The following OSBPL2 variants were observed in gnomAD, a reference collection of about 807,000 sequenced individuals.
OSBPL2 encodes the protein oxysterol-binding protein-related protein 2.
In OSBPL2, 18 loss-of-function variants were observed where a neutral mutation model predicts 58.4. The ratio of observed to expected loss-of-function variants is 0.31; its 90% CI spans 0.21 to 0.46. The LOEUF (loss-of-function observed/expected upper bound fraction) is 0.46, where lower values mean the gene tolerates loss of function less well. Ranked by LOEUF, OSBPL2 falls within the 20% of genes least tolerant of loss-of-function variation. OSBPL2 has a pLI of 1.00. For synonymous variants in OSBPL2, 221 were observed against 234.1 expected (o/e 0.94, Z 0.51); for missense variants, 461 against 616.5 (o/e 0.75, Z 2.67).
chr20:62,253,669 G>T (rs1052399208), intron 1 of OSBPL2, among the ~76,000 whole-genome samples: 1 of 150,662 alleles, frequency 6.6e-6, no homozygotes, highest in Non-Finnish European at 1.5e-5. Flanking sequence ...AGGTGGAAGG[G>T]CAAGAGAGGA....
chr20:62,239,440 G>A (rs926709284), intron 1 of OSBPL2, among the ~76,000 whole-genome samples: 1 of 152,172 alleles, frequency 6.6e-6, no homozygotes, highest in Non-Finnish European at 1.5e-5. Flanking sequence ...ACGAGGCAGT[G>A]GGTGTCGGGG....
chr20:62,243,242 C>G (rs996468931), intron 1 of OSBPL2, among the ~76,000 whole-genome samples: 1 of 152,230 alleles, frequency 6.6e-6, no homozygotes, highest in Non-Finnish European at 1.5e-5. Context: ...TGCCCTGGCT[C>G]TGGCTTGGCC....
At chr20:62,263,511 T>G in intron 3 of OSBPL2, 105 bp from the exon 4 acceptor site, 1 of 907,832 alleles carries the variant, frequency 1.1e-6, no homozygotes. Flanking sequence ...AATGCCAATG[T>G]TTAGGAGTAA....
intron 4 of OSBPL2, among the ~76,000 whole-genome samples, chr20:62,266,632 T>G (rs1416618029): frequency 6.6e-6 from 1 of 152,224 alleles, no homozygotes; most frequent in East Asian, 1.9e-4. Flanking sequence ...GGATCTGCAG[T>G]GACGGGCTGT....
At chr20:62,290,825 G>T (rs1983462074) in intron 12 of OSBPL2, among the ~76,000 whole-genome samples, 1 of 144,628 alleles carries the variant, frequency 6.9e-6, no homozygotes, top group Non-Finnish European at 1.5e-5. Flanking sequence ...TGCAACCTCT[G>T]CTCACAGGTT....
chr20:62,291,632 A>T, intron 12 of OSBPL2, 71 bp from the exon 13 acceptor site: 1 of 1,219,124 alleles, frequency 8.2e-7, no homozygotes, highest in Non-Finnish European at 1.2e-6. Flanking sequence ...CTAGAGATCT[A>T]GGTGCATAGG....
In OSBPL2 at chr20:62,288,415, G is replaced by A. The variant is rs1257274643; in HGVS notation, c.1126-792G>A. Among the ~76,000 whole-genome samples, 11 of 151,372 alleles carry A rather than the reference G, an allele frequency of 7.3e-5. No individual in the cohort carries two copies. The highest frequency in any genetic ancestry group is 2.7e-4 in the African/African-American group (11 of 41,058). ...GTGCAGAGGCTGGGAGGCTGTGGGT[G>A]CAGAGGCTGGGAGGCTATGGGTGCA... On this transcript the variant is annotated intron_variant, in intron 11 of 13. Transcript: ENST00000313733. This position sits in a 1 kb window ranked among gnomAD's most constrained non-coding sequence, Gnocchi z 4.8.
At chr20:62,248,155 C>CTTTTTTTTTTTTTTTTTTT (rs11470491) in intron 1 of OSBPL2, among the ~76,000 whole-genome samples, 1 of 118,854 alleles carries the variant, frequency 8.4e-6, no homozygotes, top group African/African-American at 3.2e-5. Context: ...CTTTTCTTTT[C>CTTTTTTTTTTTTTTTTTTT]TTTTTTTTTT....
intron 13 of OSBPL2, among the ~76,000 whole-genome samples, chr20:62,292,455 C>T (rs529850225): frequency 1.3e-5 from 2 of 152,312 alleles, no homozygotes; most frequent in East Asian, 3.9e-4. Context: ...GCATGGGCTG[C>T]GTGGGCCTCA....
At chr20:62,257,974 C>T (rs1304802793) in intron 2 of OSBPL2, among the ~76,000 whole-genome samples, 2 of 152,170 alleles carry the variant, frequency 1.3e-5, no homozygotes, top group African/African-American at 2.4e-5. Context: ...CTTGGCCTCC[C>T]AAAGTGCTGG....
intron 1 of OSBPL2, among the ~76,000 whole-genome samples, chr20:62,243,453 G>C (rs375682560): frequency 3.5e-5 from 2 of 57,874 alleles, no homozygotes; most frequent in East Asian, 8.6e-4. Flanking sequence ...GCCCCGCAGC[G>C]CCTGCCCCGC....
chr20:62,241,339 C>T (rs1979719977), intron 1 of OSBPL2, among the ~76,000 whole-genome samples: 1 of 152,170 alleles, frequency 6.6e-6, no homozygotes, highest in Non-Finnish European at 1.5e-5. Context: ...ACTACAGGCG[C>T]CCGCCACCAC....
intron 1 of OSBPL2, among the ~76,000 whole-genome samples, chr20:62,239,735 A>G (rs2145905875): frequency 6.6e-6 from 1 of 152,336 alleles, no homozygotes; most frequent in East Asian, 1.9e-4. Context: ...CTGGGAAGCC[A>G]CGGCCGTCCC....
chr20:62,244,252 G>T (rs1979938264), intron 1 of OSBPL2, among the ~76,000 whole-genome samples: 1 of 152,256 alleles, frequency 6.6e-6, no homozygotes, highest in Admixed American at 6.5e-5. Flanking sequence ...TCCTCCGCCT[G>T]CTGTGGCCCT....
rs1223186123 is a variant in OSBPL2 at position 62,295,940 on chromosome 20, G to A, written c.*2053G>A. On this transcript the variant is annotated 3_prime_UTR_variant, in exon 14 of 14. Transcript: ENST00000313733. The surrounding 1 kb of genome is among the most constrained non-coding windows in gnomAD (Gnocchi z 4.8). Reference sequence around the variant, plus strand: ...GGACCAGGCTCCTGGTATTTCAGGGGCTGGTTGGCTGCACAGACAGCCCCT... The same window carrying A: ...GGACCAGGCTCCTGGTATTTCAGGGACTGGTTGGCTGCACAGACAGCCCCT... 6.6e-6 allele frequency: 1 copy of A among 152,240 alleles called. No homozygotes were observed. The highest frequency in any genetic ancestry group is 1.9e-4 in the East Asian group (1 of 5,198). 9.4% of individuals were successfully genotyped at this position (152,240 alleles called of 1,614,324 possible).
rs375039130 is a variant in OSBPL2, at chr20:62,281,911, A to C, written c.872+32A>C. 3.5e-5 allele frequency: 51 copies of C among 1,444,992 alleles called. 1 individual carries two copies. In the African/African-American group the frequency reaches 6.7e-4, roughly 19 times the overall value. The allele number at this position is 1,444,992 out of a possible 1,614,324, so 89.5% of individuals were successfully genotyped here. A position where few individuals can be genotyped will look rare whatever the true frequency, so the allele number is the denominator to read the frequency against. The stretch of plus-strand genomic sequence containing the variant: ...CCTTGCCAAGTGTTCATGGGGCACC[A>C]CTACAGCCTGTGTGTCCACGTTAGA... On this transcript the variant is annotated intron_variant, in intron 9 of 13. Coordinates refer to ENST00000313733, the MANE Select transcript of OSBPL2 (RefSeq NM_144498.4).
At chr20:62,286,788 C>A in intron 11 of OSBPL2, 77 bp downstream of exon 11, 1 of 1,516,092 alleles carries the variant, frequency 6.6e-7, no homozygotes, top group Non-Finnish European at 8.9e-7. Context: ...CACGGCTCTT[C>A]CCTGTCCTTG....
At chr20:62,242,316 T>C (rs1038783583) in intron 1 of OSBPL2, 3 of 152,204 alleles carry the variant, frequency 2.0e-5, no homozygotes, top group Admixed American at 6.5e-5. Flanking sequence ...TCCTTTTCCT[T>C]CCAGATTCAG....
At chr20:62,258,909 C>T (rs1185698832) in intron 2 of OSBPL2, 1 of 152,222 alleles carries the variant, frequency 6.6e-6, no homozygotes, top group African/African-American at 2.4e-5. Flanking sequence ...TTTCAGGATT[C>T]CTTTTTAACC....
Sources: gnomAD v4.1 joint callset for allele counts (sites outside exome capture counted in the v4.1 genomes callset) on GRCh38, gnomAD v4.1.1 for gene constraint, Gnocchi (gnomAD v3.1) non-coding constraint, MANE v1.5 for transcripts, NCBI Gene and HGNC (gene_info 2026-07-23, HGNC 2026-07-21) for gene names.